The following SPMIP2 variants were observed in gnomAD, a reference collection of about 807,000 sequenced individuals.
SPMIP2 encodes the protein sperm microtubule inner protein 2, also known as protein SPMIP2.
the SPMIP2 span, among the ~76,000 whole-genome samples, chr4:158,976,236 G>C: frequency 6.6e-6 from 1 of 152,206 alleles, no homozygotes; most frequent in Non-Finnish European, 1.5e-5. Context: ...TCTGCAAAGA[G>C]AGATAATTTG....
the SPMIP2 span, among the ~76,000 whole-genome samples, chr4:159,027,886 T>C: frequency 6.6e-6 from 1 of 152,222 alleles, no homozygotes; most frequent in Non-Finnish European, 1.5e-5. Context: ...GGCCATTTCC[T>C]AGAGAGTATT....
At chr4:159,022,690 C>T in the SPMIP2 span, among the ~76,000 whole-genome samples, 43 of 152,288 alleles carry the variant, frequency 2.8e-4, no homozygotes, top group African/African-American at 9.4e-4. Flanking sequence ...GCCCTAGATA[C>T]GGATTGTGGT....
At chr4:159,022,756 G>T in the SPMIP2 span, among the ~76,000 whole-genome samples, 1 of 152,190 alleles carries the variant, frequency 6.6e-6, no homozygotes, top group South Asian at 2.1e-4. Flanking sequence ...TGTTGGCCGG[G>T]CGCGGTGGCT....
chr4:159,026,435 C>T, the SPMIP2 span: 1 of 955,510 alleles, frequency 1.0e-6, no homozygotes, highest in Non-Finnish European at 1.6e-6. Flanking sequence ...AAGAAAAGCA[C>T]AATAACAAGA....
the SPMIP2 span, among the ~76,000 whole-genome samples, chr4:159,027,658 A>G: frequency 6.6e-6 from 1 of 152,184 alleles, no homozygotes; most frequent in African/African-American, 2.4e-5. Flanking sequence ...TTATTTCTTC[A>G]AACAGGAAAC....
At chr4:158,966,761 AATCTACC>A in the SPMIP2 span, among the ~76,000 whole-genome samples, 1 of 152,240 alleles carries the variant, frequency 6.6e-6, no homozygotes, top group Admixed American at 6.5e-5. Context: ...GGGATAAAAT[AATCTACC>A]AAGCTTTACA....
chr4:159,056,158 T>TATA, the SPMIP2 span, among the ~76,000 whole-genome samples: 1 of 152,182 alleles, frequency 6.6e-6, no homozygotes, highest in South Asian at 2.1e-4. Context: ...ACTATATAAA[T>TATA]AATAGATGGA....
At chr4:159,019,750 T>C in the SPMIP2 span, among the ~76,000 whole-genome samples, 1 of 152,128 alleles carries the variant, frequency 6.6e-6, no homozygotes, top group South Asian at 2.1e-4. Context: ...AAGGTTTTGC[T>C]GACCTGGACA....
At chr4:158,971,471 T>C in the SPMIP2 span, among the ~76,000 whole-genome samples, 1 of 152,320 alleles carries the variant, frequency 6.6e-6, no homozygotes, top group Middle Eastern at 3.4e-3. Flanking sequence ...TTATCATCAG[T>C]GCCTTTTCTT....
At chr4:159,052,217 T>C in the SPMIP2 span, among the ~76,000 whole-genome samples, 2 of 152,154 alleles carry the variant, frequency 1.3e-5, no homozygotes, top group African/African-American at 2.4e-5. Context: ...TTCTTTTTTT[T>C]CCAGATGAAC....
the SPMIP2 span, among the ~76,000 whole-genome samples, chr4:158,964,677 C>T: frequency 1.3e-5 from 2 of 152,082 alleles, no homozygotes; most frequent in Admixed American, 6.5e-5. Flanking sequence ...TGTATTAGTC[C>T]GTGTTCACAC....
chr4:158,929,250 C>T, the SPMIP2 span, among the ~76,000 whole-genome samples: 2 of 152,154 alleles, frequency 1.3e-5, no homozygotes, highest in African/African-American at 4.8e-5. Flanking sequence ...GCTCCTGGCC[C>T]CAAGCAGTCT....
chr4:158,949,423 C>G, the SPMIP2 span, among the ~76,000 whole-genome samples: 1 of 152,136 alleles, frequency 6.6e-6, no homozygotes, highest in Non-Finnish European at 1.5e-5. Context: ...ATACAACAAT[C>G]CAGTGGAGTA....
the SPMIP2 span, among the ~76,000 whole-genome samples, chr4:159,063,542 C>G: frequency 6.9e-6 from 1 of 145,532 alleles, no homozygotes; most frequent in African/African-American, 2.6e-5. Context: ...AGAGCAAAAT[C>G]CTGTCTCAAA....
At chr4:158,958,220 GA>G in the SPMIP2 span, among the ~76,000 whole-genome samples, 1 of 152,096 alleles carries the variant, frequency 6.6e-6, no homozygotes, top group Non-Finnish European at 1.5e-5. Context: ...GGCTGGCCTT[GA>G]ACTCCTGGGC....
the SPMIP2 span, among the ~76,000 whole-genome samples, chr4:159,002,127 T>C: frequency 6.6e-6 from 1 of 152,236 alleles, no homozygotes; most frequent in Non-Finnish European, 1.5e-5. Context: ...ATGTCTTCTT[T>C]AGAAAAGTAT....
chr4:158,955,126 ATAGAT>A, the SPMIP2 span, among the ~76,000 whole-genome samples: 9 of 152,216 alleles, frequency 5.9e-5, no homozygotes, highest in African/African-American at 1.4e-4. Flanking sequence ...AAAAATCAAA[ATAGAT>A]TAAAGATTTA....
chr4:158,996,053 G>A, the SPMIP2 span, among the ~76,000 whole-genome samples: 19 of 152,040 alleles, frequency 1.2e-4, no homozygotes, highest in Non-Finnish European at 2.1e-4. Context: ...CTCGCACGAC[G>A]TCTCGTTTGC....
the SPMIP2 span, among the ~76,000 whole-genome samples, chr4:158,916,211 C>A: frequency 6.6e-6 from 1 of 152,084 alleles, no homozygotes; most frequent in Non-Finnish European, 1.5e-5. Flanking sequence ...TAAGATAAAG[C>A]CCCTGTTGTC....
Sources: allele counts gnomAD v4.1 joint callset (sites outside exome capture counted in the v4.1 genomes callset), GRCh38; gene constraint gnomAD v4.1.1; transcripts MANE v1.5; gene names NCBI Gene and HGNC (gene_info 2026-07-23, HGNC 2026-07-21).